Variants in FAM222B observed in about 807,000 individuals in gnomAD.
FAM222B encodes the protein family with sequence similarity 222 member B.
In FAM222B, 12 loss-of-function variants were observed where a neutral mutation model predicts 38.0. The observed-to-expected ratio is 0.32, with a 90% confidence interval of 0.20 to 0.51. The LOEUF (loss-of-function observed/expected upper bound fraction) is 0.51. FAM222B is among the 20% of genes least tolerant of loss of function. FAM222B has a pLI of 0.97. For missense variants in FAM222B, 716 were observed against 754.2 expected (o/e 0.95, Z 0.59); for synonymous variants, 329 against 317.2 (o/e 1.04, Z -0.40).
chr17:28,813,139 A>C, intron 1 of FAM222B, among the ~76,000 whole-genome samples: 1 of 135,044 alleles, frequency 7.4e-6, no homozygotes, highest in South Asian at 2.5e-4. Context: ...AAAAAAAAAA[A>C]AACACACACA....
intron 1 of FAM222B, among the ~76,000 whole-genome samples, chr17:28,801,732 G>C (rs1290686443): frequency 2.0e-5 from 3 of 152,058 alleles, no homozygotes; most frequent in East Asian, 3.8e-4. Context: ...TTTAGGATGA[G>C]CTGTCTTCAA....
chr17:28,820,131 G>C (rs1465947212), intron 1 of FAM222B, among the ~76,000 whole-genome samples: 1 of 152,160 alleles, frequency 6.6e-6, no homozygotes, highest in Non-Finnish European at 1.5e-5. Context: ...ACGATCCCAG[G>C]TGAGGTGTCA....
At chr17:28,812,694 C>A (rs1387413892) in intron 1 of FAM222B, among the ~76,000 whole-genome samples, 6 of 152,004 alleles carry the variant, frequency 3.9e-5, no homozygotes, top group African/African-American at 1.4e-4. Context: ...AAGCCAGGAG[C>A]CAAGCATCCC....
intron 1 of FAM222B, among the ~76,000 whole-genome samples, chr17:28,786,720 T>C (rs752994730): frequency 1.3e-5 from 2 of 152,094 alleles, no homozygotes; most frequent in South Asian, 2.1e-4. Flanking sequence ...ATTTCACATG[T>C]GTACTTGGCC....
At chr17:28,767,885 A>G (rs1261677640) in intron 1 of FAM222B, among the ~76,000 whole-genome samples, 1 of 152,156 alleles carries the variant, frequency 6.6e-6, no homozygotes, top group East Asian at 1.9e-4. Flanking sequence ...CTGACATGCA[A>G]TTAGACCTCC....
At chr17:28,824,586 T>A (rs952578918) in intron 1 of FAM222B, among the ~76,000 whole-genome samples, 3 of 152,178 alleles carry the variant, frequency 2.0e-5, no homozygotes, top group Non-Finnish European at 4.4e-5. Context: ...AAGTTATCCA[T>A]GATTCCTTAT....
chr17:28,777,753 G>C (rs936512057), intron 1 of FAM222B, among the ~76,000 whole-genome samples: 4 of 151,810 alleles, frequency 2.6e-5, no homozygotes, highest in African/African-American at 9.7e-5. Flanking sequence ...AGGGGAGTGA[G>C]AGGAAAGAGG....
chr17:28,767,457 C>T (rs965056826), intron 1 of FAM222B, among the ~76,000 whole-genome samples: 1 of 151,908 alleles, frequency 6.6e-6, no homozygotes, highest in Admixed American at 6.6e-5. Flanking sequence ...TGCACCCGGC[C>T]ATGAACTTAC....
chr17:28,759,245 G>A lies in FAM222B; in HGVS notation c.714C>T (p.Ala238=). 1 of 1,613,664 alleles carries A rather than the reference G, an allele frequency of 6.2e-7. No individual in the cohort carries two copies. The change falls in exon 3 of 3, where the codon GCC becomes GCT. Residue 238 remains alanine (A), a synonymous_variant. Transcript: ENST00000581407. This position sits in a 1 kb window ranked among gnomAD's most constrained non-coding sequence, Gnocchi z 4.8. ...HGGRKMPDSD[A]PPNVTVSTST... The stretch of plus-strand genomic sequence containing the variant: ...AGGTAGACACGGTCACATTCGGGGG[G>A]GCATCTGAGTCTGGCATCTTCCGGC...
chr17:28,823,705 G>T (rs1016435437), intron 1 of FAM222B, among the ~76,000 whole-genome samples: 7 of 151,796 alleles, frequency 4.6e-5, no homozygotes, highest in African/African-American at 1.2e-4. Flanking sequence ...CTCTTCTCTA[G>T]CCACAAACCA....
At chr17:28,805,544 T>C (rs949872786) in intron 1 of FAM222B, among the ~76,000 whole-genome samples, 1 of 149,802 alleles carries the variant, frequency 6.7e-6, no homozygotes, top group African/African-American at 2.5e-5. Context: ...TCAAAAAAAA[T>C]AAAAGAGGCT....
intron 2 of FAM222B, 27 bp downstream of exon 2, chr17:28,766,559 A>C: frequency 6.4e-7 from 1 of 1,562,834 alleles, no homozygotes; most frequent in Non-Finnish European, 8.7e-7. Flanking sequence ...AGAATCACAC[A>C]TGCTCCATAG....
chr17:28,768,530 T>C (rs2035448677), intron 1 of FAM222B, among the ~76,000 whole-genome samples: 1 of 151,520 alleles, frequency 6.6e-6, no homozygotes, highest in East Asian at 1.9e-4. Flanking sequence ...CCAACTTCAG[T>C]GCCTCAAGAA....
chr17:28,797,358 T>C (rs1171411120), intron 1 of FAM222B, among the ~76,000 whole-genome samples: 1 of 152,040 alleles, frequency 6.6e-6, no homozygotes, highest in Admixed American at 6.6e-5. Context: ...AAAAGGGCTA[T>C]CATATAAAGG....
At chr17:28,776,146 G>T (rs1230073298) in intron 1 of FAM222B, among the ~76,000 whole-genome samples, 1 of 150,706 alleles carries the variant, frequency 6.6e-6, no homozygotes, top group Non-Finnish European at 1.5e-5. Context: ...GCTGAGGCGG[G>T]CGTATCATGA....
chr17:28,825,451 A>AC (rs1173801120), intron 1 of FAM222B, among the ~76,000 whole-genome samples: 28 of 150,688 alleles, frequency 1.9e-4, no homozygotes, highest in African/African-American at 6.7e-4. Flanking sequence ...AAAAAAAAAA[A>AC]AAAACACTCC....
At chr17:28,813,826 G>T (rs1448437101) in intron 1 of FAM222B, among the ~76,000 whole-genome samples, 1 of 151,680 alleles carries the variant, frequency 6.6e-6, no homozygotes, top group Non-Finnish European at 1.5e-5. Flanking sequence ...TATTACAGGC[G>T]TCAGCCACCG....
intron 1 of FAM222B, among the ~76,000 whole-genome samples, chr17:28,797,507 TATC>T (rs2036999057): frequency 6.6e-6 from 1 of 152,202 alleles, no homozygotes; most frequent in Non-Finnish European, 1.5e-5. Context: ...CAAAAGCAAT[TATC>T]ATTCATCAGG....
At chr17:28,811,571 C>T (rs980962894) in intron 1 of FAM222B, among the ~76,000 whole-genome samples, 3 of 152,092 alleles carry the variant, frequency 2.0e-5, no homozygotes, top group African/African-American at 7.2e-5. Context: ...AAGAAATATA[C>T]CAACAGAGAA....
Sources: gnomAD v4.1 joint callset for allele counts (sites outside exome capture counted in the v4.1 genomes callset) on GRCh38, gnomAD v4.1.1 for gene constraint, Gnocchi (gnomAD v3.1) non-coding constraint, MANE v1.5 for transcripts, NCBI Gene and HGNC (gene_info 2026-07-23, HGNC 2026-07-21) for gene names.